NOVA1: variants seen among roughly 807,000 people sequenced by gnomAD.
NOVA1 encodes the protein NOVA alternative splicing regulator 1.
NOVA1 carries 7 observed loss-of-function variants against 38.0 expected under a neutral mutation model. The observed-to-expected ratio is 0.18, with a 90% CI of 0.10 to 0.35. The LOEUF (loss-of-function observed/expected upper bound fraction) is 0.35. Ranked by LOEUF, NOVA1 falls within the 10% of genes least tolerant of loss-of-function variation. NOVA1 has a pLI of 1.00. For missense variants in NOVA1, 460 were observed against 616.0 expected (o/e 0.75, Z 2.68); for synonymous variants, 270 against 232.5 (o/e 1.16, Z -1.47).
At chr14:26,488,986 C>T (rs1886127105) in intron 2 of NOVA1, among the ~76,000 whole-genome samples, 1 of 152,042 alleles carries the variant, frequency 6.6e-6, no homozygotes, top group Non-Finnish European at 1.5e-5. Flanking sequence ...CTAAGAAACT[C>T]AGAAGTGTGA....
intron 2 of NOVA1, among the ~76,000 whole-genome samples, chr14:26,492,234 C>T (rs1886401672): frequency 6.6e-6 from 1 of 152,224 alleles, no homozygotes; most frequent in Middle Eastern, 3.4e-3. Context: ...TAAAACTTTG[C>T]TTAATTTATT....
At chr14:26,471,192 T>C (rs1220444079) in intron 4 of NOVA1, among the ~76,000 whole-genome samples, 1 of 152,064 alleles carries the variant, frequency 6.6e-6, no homozygotes, top group Non-Finnish European at 1.5e-5. Context: ...AAACCTGTAG[T>C]ATAAAATATC....
intron 2 of NOVA1, among the ~76,000 whole-genome samples, chr14:26,504,569 G>A (rs1409411243): frequency 1.3e-5 from 2 of 152,160 alleles, no homozygotes; most frequent in Non-Finnish European, 2.9e-5. Flanking sequence ...TCTGTTATAT[G>A]AGCCTCCCTT....
At chr14:26,551,337 T>C (rs1214119019) in intron 2 of NOVA1, among the ~76,000 whole-genome samples, 1 of 152,026 alleles carries the variant, frequency 6.6e-6, no homozygotes, top group Non-Finnish European at 1.5e-5. Flanking sequence ...CATGATATAA[T>C]ACCTGGCCTA....
intron 4 of NOVA1, among the ~76,000 whole-genome samples, chr14:26,467,041 G>A (rs187986302): frequency 6.6e-6 from 1 of 152,282 alleles, no homozygotes; most frequent in East Asian, 1.9e-4. Context: ...TCCCACAGTG[G>A]AGACACAAAT....
At chr14:26,478,106 A>C (rs185246075) in intron 3 of NOVA1, among the ~76,000 whole-genome samples, 1 of 152,054 alleles carries the variant, frequency 6.6e-6, no homozygotes. Flanking sequence ...TATTTTTTAT[A>C]CTTATCTTGA....
chr14:26,528,956 T>C (rs1387686284), intron 2 of NOVA1, among the ~76,000 whole-genome samples: 3 of 152,162 alleles, frequency 2.0e-5, no homozygotes, highest in African/African-American at 4.8e-5. Context: ...ATATGTGTGA[T>C]TGCCAACACC....
At chr14:26,581,022 C>G (rs1012725898) in intron 2 of NOVA1, among the ~76,000 whole-genome samples, 2 of 151,978 alleles carry the variant, frequency 1.3e-5, no homozygotes, top group African/African-American at 4.8e-5. Context: ...TTACAGTTTT[C>G]CTTTTTAGTA....
chr14:26,499,338 G>A (rs1887079310), intron 2 of NOVA1, among the ~76,000 whole-genome samples: 1 of 151,896 alleles, frequency 6.6e-6, no homozygotes, highest in African/African-American at 2.4e-5. Flanking sequence ...ACACAAATAA[G>A]GGTAAGAAAA....
chr14:26,561,483 G>C (rs1295701571), intron 2 of NOVA1, among the ~76,000 whole-genome samples: 2 of 152,180 alleles, frequency 1.3e-5, no homozygotes, highest in Admixed American at 1.3e-4. Context: ...TGACACAGGA[G>C]AATAATTTCC....
chr14:26,477,801 C>T (rs1272055036), intron 3 of NOVA1, among the ~76,000 whole-genome samples: 1 of 151,910 alleles, frequency 6.6e-6, no homozygotes, highest in African/African-American at 2.4e-5. Context: ...GAATCCCAAA[C>T]TTAGAGCAAA....
intron 2 of NOVA1, among the ~76,000 whole-genome samples, chr14:26,495,770 G>C (rs1314230857): frequency 6.8e-6 from 1 of 146,986 alleles, no homozygotes; most frequent in Admixed American, 7.0e-5. Context: ...TCTTGTGATA[G>C]TTTACTGAGA....
intron 2 of NOVA1, among the ~76,000 whole-genome samples, chr14:26,563,193 GA>G (rs901365654): frequency 2.0e-5 from 3 of 151,526 alleles, no homozygotes; most frequent in African/African-American, 7.3e-5. Flanking sequence ...AAGAAAGAAG[GA>G]AGGAAGGAAG....
chr14:26,576,284 G>A (rs1308436370), intron 2 of NOVA1, among the ~76,000 whole-genome samples: 1 of 151,182 alleles, frequency 6.6e-6, no homozygotes, highest in African/African-American at 2.4e-5. Flanking sequence ...TACTCCTCTT[G>A]CTTCCTTTTT....
At chr14:26,564,332 C>A (rs548201852) in intron 2 of NOVA1, among the ~76,000 whole-genome samples, 1 of 152,216 alleles carries the variant, frequency 6.6e-6, no homozygotes, top group South Asian at 2.1e-4. Context: ...TTGCTTTATA[C>A]ATATGTATTA....
At chr14:26,508,320 G>C (rs1566489073) in intron 2 of NOVA1, among the ~76,000 whole-genome samples, 1 of 151,812 alleles carries the variant, frequency 6.6e-6, no homozygotes, top group African/African-American at 2.4e-5. Context: ...AAAATAGTTT[G>C]GTATTTCTTG....
chr14:26,499,802 A>G (rs1410302602), intron 2 of NOVA1, among the ~76,000 whole-genome samples: 1 of 152,172 alleles, frequency 6.6e-6, no homozygotes, highest in African/African-American at 2.4e-5. Flanking sequence ...AGTGTTTTGT[A>G]CATAGCAGAA....
chr14:26,538,310 C>T (rs1182334248), intron 2 of NOVA1, among the ~76,000 whole-genome samples: 1 of 152,026 alleles, frequency 6.6e-6, no homozygotes, highest in African/African-American at 2.4e-5. Flanking sequence ...TTCTACCTTT[C>T]AAACTGACAA....
At chr14:26,538,154 T>C (rs1475230954) in intron 2 of NOVA1, among the ~76,000 whole-genome samples, 1 of 151,996 alleles carries the variant, frequency 6.6e-6, no homozygotes, top group African/African-American at 2.4e-5. Context: ...GCCTTTCAAA[T>C]CAATAAAGAA....
Sources: gnomAD v4.1 joint callset for allele counts (sites outside exome capture counted in the v4.1 genomes callset) on GRCh38, gnomAD v4.1.1 for gene constraint, MANE v1.5 for transcripts, NCBI Gene and HGNC (gene_info 2026-07-23, HGNC 2026-07-21) for gene names.